Variants in GLIS1 observed in about 807,000 individuals in gnomAD.
The protein encoded by GLIS1 is GLIS family zinc finger 1, also known as zinc finger protein GLIS1.
A neutral mutation model predicts 63.8 loss-of-function variants in GLIS1; 24 were observed. That is an observed-to-expected ratio of 0.38 (90% CI 0.27 to 0.53). The LOEUF (loss-of-function observed/expected upper bound fraction) is 0.53, where lower values mean the gene tolerates loss of function less well. Ranked by LOEUF, GLIS1 falls within the 20% of genes least tolerant of loss-of-function variation. The probability of loss-of-function intolerance (pLI) is 0.85; values close to 1 mark genes in which losing one functional copy is unlikely to be tolerated. For synonymous variants in GLIS1, 450 were observed against 482.5 expected (o/e 0.93, Z 0.88); for missense variants, 1,036 against 1,074.1 (o/e 0.96, Z 0.50).
chr1:53,675,095 T>C (rs1646197500), intron 2 of GLIS1, among the ~76,000 whole-genome samples: 1 of 152,198 alleles, frequency 6.6e-6, no homozygotes, highest in Non-Finnish European at 1.5e-5. Flanking sequence ...GCATCTCACC[T>C]GGAGACAGCT....
At chr1:53,616,786 A>T (rs969080928) in intron 2 of GLIS1, among the ~76,000 whole-genome samples, 3 of 152,214 alleles carry the variant, frequency 2.0e-5, no homozygotes, top group African/African-American at 7.2e-5. Flanking sequence ...AGCCCGGAGC[A>T]GACAGGGGCA....
At chr1:53,602,823 C>T (rs1182334038) in intron 2 of GLIS1, among the ~76,000 whole-genome samples, 1 of 152,218 alleles carries the variant, frequency 6.6e-6, no homozygotes. Flanking sequence ...TAACCAGAGA[C>T]CCCTAAATAA....
At chr1:53,624,790 A>G (rs967516401) in intron 2 of GLIS1, among the ~76,000 whole-genome samples, 6 of 152,220 alleles carry the variant, frequency 3.9e-5, no homozygotes, top group African/African-American at 1.4e-4. Context: ...TTCCATATAT[A>G]TACATATATA....
At chr1:53,580,045 T>A (rs17386108) in intron 4 of GLIS1, among the ~76,000 whole-genome samples, 14,227 of 152,150 alleles carry the variant, frequency 0.094, 790 homozygotes, top group South Asian at 0.16. Flanking sequence ...GAATAAGGGA[T>A]CAGGTAAGGC....
At chr1:53,633,134 T>C (rs773872673) in intron 2 of GLIS1, among the ~76,000 whole-genome samples, 22 of 126,884 alleles carry the variant, frequency 1.7e-4, no homozygotes, top group South Asian at 5.5e-4. Context: ...GGCATGTATA[T>C]GTGTGACTGA....
intron 2 of GLIS1, among the ~76,000 whole-genome samples, chr1:53,611,382 G>A (rs569501037): frequency 3.9e-5 from 6 of 152,272 alleles, no homozygotes; most frequent in South Asian, 4.1e-4. Context: ...GAGCCACTGC[G>A]CCTGGCCAAT....
At chr1:53,704,862 G>A (rs1055157124) in intron 2 of GLIS1, among the ~76,000 whole-genome samples, 1 of 152,202 alleles carries the variant, frequency 6.6e-6, no homozygotes, top group African/African-American at 2.4e-5. Flanking sequence ...GAGGCATGAT[G>A]GTTGTTAGCA....
intron 2 of GLIS1, among the ~76,000 whole-genome samples, chr1:53,661,773 CA>C (rs1646031454): frequency 6.6e-6 from 1 of 152,174 alleles, no homozygotes; most frequent in Non-Finnish European, 1.5e-5. Flanking sequence ...CGGCAAGTAG[CA>C]GGGATGGTGG....
At chr1:53,649,811 A>T (rs1262637601) in intron 2 of GLIS1, among the ~76,000 whole-genome samples, 1 of 152,226 alleles carries the variant, frequency 6.6e-6, no homozygotes, top group Non-Finnish European at 1.5e-5. Context: ...AGAACACAGG[A>T]TGTAATCCAT....
chr1:53,652,737 C>T (rs1221474289), intron 2 of GLIS1, among the ~76,000 whole-genome samples: 1 of 152,144 alleles, frequency 6.6e-6, no homozygotes, highest in African/African-American at 2.4e-5. Flanking sequence ...CTCAGTCACC[C>T]TCCTAAAACC....
chr1:53,522,939 C>T (rs1008293577), intron 6 of GLIS1, among the ~76,000 whole-genome samples: 13 of 151,664 alleles, frequency 8.6e-5, no homozygotes, highest in Non-Finnish European at 7.4e-5. Context: ...ATGGGAATTA[C>T]AGTGCCCACA....
chr1:53,643,245 C>T (rs1021130491), intron 2 of GLIS1, among the ~76,000 whole-genome samples: 3 of 152,252 alleles, frequency 2.0e-5, no homozygotes, highest in Admixed American at 1.3e-4. Flanking sequence ...GGCCGCTTCT[C>T]TCCAGCAGCT....
At chr1:53,618,646 G>A (rs182852791) in intron 2 of GLIS1, among the ~76,000 whole-genome samples, 394 of 152,332 alleles carry the variant, frequency 2.6e-3, no homozygotes, top group African/African-American at 9.2e-3. Flanking sequence ...GACTTCTGAG[G>A]ATGCAAAGGG....
intron 2 of GLIS1, among the ~76,000 whole-genome samples, chr1:53,721,269 C>T (rs1283227255): frequency 6.6e-6 from 1 of 152,176 alleles, no homozygotes; most frequent in Admixed American, 6.5e-5. Context: ...CCCAGCTCCA[C>T]CACTCACCAG....
chr1:53,646,339 TA>T lies in GLIS1; in HGVS notation c.260-46062del, dbSNP rs1422899236. ...AGAATCTAAAAACAAACTAGACCATTAAAAAGTTAATTTGACAAGGTCAGTA... is the reference window on the plus strand; with the variant it reads ...AGAATCTAAAAACAAACTAGACCATTAAAAGTTAATTTGACAAGGTCAGTA... On this transcript the variant is annotated intron_variant, in intron 2 of 10. Coordinates refer to ENST00000628545, the MANE Select transcript of GLIS1 (RefSeq NM_001367484.1). The surrounding 1 kb of genome is among the most constrained non-coding windows in gnomAD (Gnocchi z 4.2). 4.6e-5 allele frequency among the ~76,000 whole-genome samples: 7 copies of T among 152,124 alleles called. No homozygotes were observed. The highest frequency in any genetic ancestry group is 2.0e-4 in the Admixed American group (3 of 15,266).
At chr1:53,698,712 G>A (rs1273378087) in intron 2 of GLIS1, among the ~76,000 whole-genome samples, 1 of 152,232 alleles carries the variant, frequency 6.6e-6, no homozygotes, top group African/African-American at 2.4e-5. Context: ...CTTCCAGCCA[G>A]GGATGCCCTC....
intron 4 of GLIS1, among the ~76,000 whole-genome samples, chr1:53,563,949 T>A (rs1004849649): frequency 2.6e-5 from 4 of 152,206 alleles, no homozygotes; most frequent in Admixed American, 2.6e-4. Flanking sequence ...GCATCTTCTA[T>A]CTATCTTTCA....
intron 2 of GLIS1, among the ~76,000 whole-genome samples, chr1:53,684,758 C>T (rs1646312814): frequency 6.6e-6 from 1 of 152,248 alleles, no homozygotes; most frequent in Admixed American, 6.5e-5. Flanking sequence ...CTCCTCTCCT[C>T]CTGGCCAGCA....
intron 2 of GLIS1, among the ~76,000 whole-genome samples, chr1:53,626,545 A>G (rs562824928): frequency 6.6e-6 from 1 of 152,160 alleles, no homozygotes; most frequent in East Asian, 1.9e-4. Flanking sequence ...TCTTTATAGC[A>G]CTCATCATTA....
Sources: allele counts gnomAD v4.1 joint callset (sites outside exome capture counted in the v4.1 genomes callset), GRCh38; gene constraint gnomAD v4.1.1; non-coding constraint Gnocchi (gnomAD v3.1); transcripts MANE v1.5; gene names NCBI Gene and HGNC (gene_info 2026-07-23, HGNC 2026-07-21).